Variants in SLC30A7 observed in about 807,000 individuals in gnomAD.
SLC30A7 encodes solute carrier family 30 member 7, also known as zinc transporter 7.
A neutral mutation model predicts 46.0 loss-of-function variants in SLC30A7; 35 were observed. That is an observed-to-expected ratio of 0.76 (90% confidence interval 0.58 to 1.01). The LOEUF (loss-of-function observed/expected upper bound fraction) is 1.01. Ranked by LOEUF, SLC30A7 falls within the 50% of genes least tolerant of loss-of-function variation. The probability of loss-of-function intolerance (pLI) is 0.00; values close to 1 mark genes in which losing one functional copy is unlikely to be tolerated. For missense variants in SLC30A7, 464 were observed against 451.1 expected, an observed-to-expected ratio of 1.03 and a Z score of -0.26; for synonymous variants, 147 against 157.8, an observed-to-expected ratio of 0.93 and a Z score of 0.51.
intron 8 of SLC30A7, among the ~76,000 whole-genome samples, chr1:100,952,390 G>A (rs1410619884): frequency 6.6e-6 from 1 of 152,112 alleles, no homozygotes; most frequent in Non-Finnish European, 1.5e-5. Flanking sequence ...ACTTAAATGG[G>A]TTAAGATGTG....
At chr1:100,927,871 A>G (rs1259038735) in intron 8 of SLC30A7, among the ~76,000 whole-genome samples, 2 of 149,600 alleles carry the variant, frequency 1.3e-5, no homozygotes, top group East Asian at 1.9e-4. Context: ...CACTGAGCCT[A>G]TCTTCCCTGT....
chr1:100,959,793 G>T (rs984911806), intron 8 of SLC30A7, among the ~76,000 whole-genome samples: 6 of 152,160 alleles, frequency 3.9e-5, no homozygotes, highest in Non-Finnish European at 8.8e-5. Context: ...TTTACATAGG[G>T]CATGAATACT....
intron 6 of SLC30A7, among the ~76,000 whole-genome samples, chr1:100,915,194 T>TTTCTTTCTTTCC: frequency 3.0e-5 from 1 of 32,922 alleles, no homozygotes; most frequent in African/African-American, 1.2e-4. Flanking sequence ...TTTTCTTTCT[T>TTTCTTTCTTTCC]TTCTTTCTTT....
chr1:100,992,662 ATT>A, the SLC30A7 span: 2 of 1,613,858 alleles, frequency 1.2e-6, no homozygotes, highest in Non-Finnish European at 1.7e-6. Flanking sequence ...GTATTCTTTG[ATT>A]TTGAACAATC....
At chr1:100,920,720 T>G (rs1652881687) in intron 7 of SLC30A7, among the ~76,000 whole-genome samples, 1 of 151,986 alleles carries the variant, frequency 6.6e-6, no homozygotes, top group Non-Finnish European at 1.5e-5. Context: ...TAAAAATAAT[T>G]ACAGTTCACC....
At chr1:100,905,161 G>T (rs1444505836) in intron 2 of SLC30A7, among the ~76,000 whole-genome samples, 1 of 151,840 alleles carries the variant, frequency 6.6e-6, no homozygotes, top group African/African-American at 2.4e-5. Context: ...TCCATTCTGT[G>T]TGCTATTATT....
chr1:100,966,954 G>A (rs1655905210), intron 10 of SLC30A7, among the ~76,000 whole-genome samples: 1 of 152,176 alleles, frequency 6.6e-6, no homozygotes, highest in Non-Finnish European at 1.5e-5. Flanking sequence ...TCATGAATTA[G>A]TCAGTGCATG....
intron 8 of SLC30A7, among the ~76,000 whole-genome samples, chr1:100,939,441 C>T (rs989383757): frequency 9.9e-5 from 15 of 152,088 alleles, no homozygotes; most frequent in African/African-American, 3.6e-4. Flanking sequence ...ACAAAGATAA[C>T]GTAGAGGTTA....
chr1:100,934,167 C>G (rs1653822123), intron 8 of SLC30A7, among the ~76,000 whole-genome samples: 1 of 152,116 alleles, frequency 6.6e-6, no homozygotes, highest in Non-Finnish European at 1.5e-5. Flanking sequence ...GTTTCTGGAC[C>G]CCTCTGTTTT....
chr1:100,972,063 T>C (rs1656191381), intron 10 of SLC30A7, among the ~76,000 whole-genome samples: 1 of 152,148 alleles, frequency 6.6e-6, no homozygotes, highest in African/African-American at 2.4e-5. Flanking sequence ...CAGTGAGTAC[T>C]ATATGGTTTT....
chr1:100,912,162 C>T lies in SLC30A7; in HGVS notation c.435C>T (p.Ser145=), dbSNP rs1477104379. The change falls in exon 5 of 11, where the codon TCC becomes TCT. Residue 145 remains serine, a synonymous_variant. Coordinates refer to ENST00000357650, the MANE Select transcript of SLC30A7 (RefSeq NM_133496.5). The stretch of plus-strand genomic sequence containing the variant: ...ACCATGAGAGACTGCTTCTTGTTTC[C>T]ATTCTTGGGTTTGTGGTAAACCTAA... ...DVHHERLLLV[S]ILGFVVNLIG... is the part of the protein sequence containing the mutation. 2 of 1,613,882 alleles carry T rather than the reference C, an allele frequency of 1.2e-6. No homozygotes were observed. Among genetic ancestry groups the T allele is most frequent in the Admixed American group, 3.3e-5 (2 of 60,014 alleles).
intron 10 of SLC30A7, among the ~76,000 whole-genome samples, chr1:100,968,393 A>G (rs988321387): frequency 1.3e-5 from 2 of 151,942 alleles, no homozygotes; most frequent in Non-Finnish European, 2.9e-5. Context: ...CCCAGGAGGC[A>G]GAGGTTGCAG....
At chr1:100,985,356 T>C (rs999441161), downstream of SLC30A7, among the ~76,000 whole-genome samples, 16 of 152,108 alleles carry the variant, frequency 1.1e-4, no homozygotes, top group Non-Finnish European at 4.4e-5. Context: ...CCCCAAAATA[T>C]CCACACCATC....
chr1:100,963,324 TCA>T (rs1405648127), intron 9 of SLC30A7, among the ~76,000 whole-genome samples: 2 of 152,058 alleles, frequency 1.3e-5, no homozygotes, highest in Non-Finnish European at 2.9e-5. Context: ...GAGTGTAGGA[TCA>T]CAGAGTTGAA....
At chr1:100,987,678 T>C in the SLC30A7 span, among the ~76,000 whole-genome samples, 1 of 151,830 alleles carries the variant, frequency 6.6e-6, no homozygotes, top group Non-Finnish European at 1.5e-5. Context: ...CTTTTTTTTT[T>C]TTTTAAACCA....
chr1:100,946,089 C>T (rs1367264349), intron 8 of SLC30A7, among the ~76,000 whole-genome samples: 1 of 152,116 alleles, frequency 6.6e-6, no homozygotes, highest in African/African-American at 2.4e-5. Context: ...CTCTCTTTGT[C>T]TGTTATCGGT....
chr1:100,977,635 A>G lies in SLC30A7; in HGVS notation c.*2778A>G, dbSNP rs1372052698. ...CTGAGTGTAACTTTGCCAATATTTT[A>G]AAAGCCAAAATATTCTCTGGACAAC... is the stretch of plus-strand genomic sequence containing the variant. On this transcript the variant is annotated 3_prime_UTR_variant, in exon 11 of 11. Coordinates refer to ENST00000357650, the MANE Select transcript of SLC30A7 (RefSeq NM_133496.5). 1.3e-5 allele frequency: 2 copies of G among 152,224 alleles called. No individual in the cohort carries two copies. Among genetic ancestry groups the G allele is most frequent in the African/African-American group, 4.8e-5 (2 of 41,458 alleles). 9.4% of individuals were successfully genotyped at this position (152,224 alleles called of 1,614,324 possible).
chr1:100,928,196 G>T (rs1358821219), intron 8 of SLC30A7, among the ~76,000 whole-genome samples: 1 of 152,140 alleles, frequency 6.6e-6, no homozygotes, highest in Non-Finnish European at 1.5e-5. Context: ...TGATCTAATG[G>T]CACGGGCCTT....
intron 8 of SLC30A7, among the ~76,000 whole-genome samples, chr1:100,937,426 T>G (rs61780298): frequency 0.16 from 24,055 of 152,214 alleles, 1,935 homozygotes; most frequent in Non-Finnish European, 0.17. Flanking sequence ...CTCCACATGC[T>G]TTCCAAAACT....
Sources: allele counts gnomAD v4.1 joint callset (sites outside exome capture counted in the v4.1 genomes callset), GRCh38; gene constraint gnomAD v4.1.1; transcripts MANE v1.5; gene names NCBI Gene and HGNC (gene_info 2026-07-23, HGNC 2026-07-21).